MIGA1: variants seen among roughly 807,000 people sequenced by gnomAD.
MIGA1 encodes family with sequence similarity 73, member A.
MIGA1 carries 58 observed loss-of-function variants against 82.0 expected under a neutral mutation model. That is an observed-to-expected ratio of 0.71 (90% confidence interval 0.57 to 0.88). The LOEUF (loss-of-function observed/expected upper bound fraction) is 0.88. Ranked by LOEUF, MIGA1 falls within the 40% of genes least tolerant of loss-of-function variation. The probability of loss-of-function intolerance (pLI) is 0.00; values close to 1 mark genes in which losing one functional copy is unlikely to be tolerated. For missense variants in MIGA1, 751 were observed against 749.1 expected (o/e 1.00, Z -0.03); for synonymous variants, 249 against 253.6 (o/e 0.98, Z 0.17).
In MIGA1 at chr1:77,877,157, G is replaced by A. The variant is rs535483578; in HGVS notation, c.*2093G>A. On this transcript the variant is annotated 3_prime_UTR_variant, in exon 16 of 16. Coordinates refer to ENST00000370791, the MANE Select transcript of MIGA1 (RefSeq NM_198549.4). ...TACTCCTAAAATGCATTTTTAAAAA[G>A]CGAATTTTTAGATTAAAGTGCCTAG... The A allele has an allele frequency of 6.6e-6, 1 of 152,150 alleles. No individual in the cohort carries two copies. The highest frequency in any genetic ancestry group is 2.1e-4 in the South Asian group (1 of 4,812). The allele number at this position is 152,150 out of a possible 1,614,324, so 9.4% of individuals were successfully genotyped here. A position where few individuals can be genotyped will look rare whatever the true frequency, so the allele number is the denominator to read the frequency against.
intron 7 of MIGA1, among the ~76,000 whole-genome samples, chr1:77,825,497 G>A (rs889277071): frequency 2.6e-5 from 4 of 152,290 alleles, no homozygotes; most frequent in Admixed American, 6.5e-5. Flanking sequence ...TGTGACTCAG[G>A]TGCCATTCTG....
intron 15 of MIGA1, among the ~76,000 whole-genome samples, chr1:77,874,033 A>C (rs1462154006): frequency 6.6e-6 from 1 of 152,182 alleles, no homozygotes; most frequent in Non-Finnish European, 1.5e-5. Context: ...GTTGATCGCT[A>C]ATGACCCTTT....
chr1:77,793,416 T>C lies in MIGA1; in HGVS notation c.196-7915T>C, dbSNP rs569663737. Among the ~76,000 whole-genome samples the C allele has an allele frequency of 1.9e-4, 29 of 152,214 alleles. No individual in the cohort carries two copies. In the South Asian group the frequency reaches 5.6e-3, roughly 29 times the overall value. The stretch of plus-strand genomic sequence containing the variant: ...TGGTGCCCAGCCTATTTGCTTTTTT[T>C]ACTGTTGAATCCTGAGAGGTTTTTT... On this transcript the variant is annotated intron_variant, in intron 2 of 15. Coordinates refer to ENST00000370791, the MANE Select transcript of MIGA1 (RefSeq NM_198549.4).
chr1:77,866,422 T>C, intron 14 of MIGA1, 31 bp downstream of exon 14: 2 of 1,599,692 alleles, frequency 1.3e-6, no homozygotes, highest in Non-Finnish European at 1.7e-6. Context: ...AATTCCTTTG[T>C]TAAATCATTT....
chr1:77,851,280 G>A (rs1310806289), intron 8 of MIGA1, among the ~76,000 whole-genome samples: 1 of 152,078 alleles, frequency 6.6e-6, no homozygotes, highest in African/African-American at 2.4e-5. Flanking sequence ...TTTTCTTTTT[G>A]AAAATATTAA....
chr1:77,837,601 G>A (rs563842743), intron 7 of MIGA1, among the ~76,000 whole-genome samples: 54 of 152,282 alleles, frequency 3.5e-4, no homozygotes, highest in African/African-American at 1.2e-3. Context: ...TTGGTATCTG[G>A]CAAGTACTGA....
At chr1:77,786,313 G>A (rs1311780486) in intron 2 of MIGA1, among the ~76,000 whole-genome samples, 1 of 152,210 alleles carries the variant, frequency 6.6e-6, no homozygotes, top group Admixed American at 6.5e-5. Context: ...AGGGGCTGCC[G>A]TGAAGACCTC....
chr1:77,834,837 A>G (rs1684369681), intron 7 of MIGA1, among the ~76,000 whole-genome samples: 1 of 152,240 alleles, frequency 6.6e-6, no homozygotes, highest in African/African-American at 2.4e-5. Flanking sequence ...ATAAAAGCAT[A>G]GAAAGGACAA....
intron 2 of MIGA1, among the ~76,000 whole-genome samples, chr1:77,786,958 A>G (rs1296152067): frequency 6.6e-6 from 1 of 152,206 alleles, no homozygotes; most frequent in East Asian, 1.9e-4. Flanking sequence ...ATAAAGACAT[A>G]CCTGAGACTG....
intron 7 of MIGA1, among the ~76,000 whole-genome samples, chr1:77,824,317 T>G (rs1359619525): frequency 6.6e-6 from 1 of 152,124 alleles, no homozygotes; most frequent in African/African-American, 2.4e-5. Context: ...ATCCCAGCAC[T>G]TGGGAGGCTG....
At chr1:77,858,829 A>G in intron 8 of MIGA1, 109 bp from the exon 9 acceptor site, 1 of 653,252 alleles carries the variant, frequency 1.5e-6, no homozygotes, top group Non-Finnish European at 2.7e-6. Flanking sequence ...CATGTTACCC[A>G]GGCTGGTTTC....
At chr1:77,844,109 AAAAAAT>A (rs1256583204) in intron 8 of MIGA1, among the ~76,000 whole-genome samples, 1 of 51,962 alleles carries the variant, frequency 1.9e-5, no homozygotes, top group East Asian at 5.9e-4. Context: ...TTAAAAAAAA[AAAAAAT>A]ATATATATAT....
intron 13 of MIGA1, among the ~76,000 whole-genome samples, chr1:77,866,108 G>C (rs763353612): frequency 6.6e-6 from 1 of 152,124 alleles, no homozygotes; most frequent in South Asian, 2.1e-4. Flanking sequence ...GTAGAGATGG[G>C]GTTTCACCGT....
At chr1:77,806,473 A>G (rs746436390) in intron 4 of MIGA1, among the ~76,000 whole-genome samples, 30 of 152,260 alleles carry the variant, frequency 2.0e-4, no homozygotes, top group Non-Finnish European at 4.1e-4. Context: ...GAATTAGGAC[A>G]GAACTGGAGT....
intron 2 of MIGA1, among the ~76,000 whole-genome samples, chr1:77,800,423 A>G (rs76603148): frequency 2.0e-5 from 3 of 152,128 alleles, no homozygotes; most frequent in East Asian, 3.8e-4. Flanking sequence ...TTAGGGGGCA[A>G]TTGGTTGCCC....
Position 77,807,034 on chromosome 1 carries a change from A to G in MIGA1, c.570A>G (p.Lys190=), listed in dbSNP as rs1378748167. The change falls in exon 5 of 16, where the codon AAA becomes AAG. Residue 190 remains lysine (K), a synonymous_variant. Coordinates refer to ENST00000370791, the MANE Select transcript of MIGA1 (RefSeq NM_198549.4). ...GTGGCAATTCTAATTCCTGGGACAA[A>G]GCAGATGAAGATGATATTAAACTTG... 9 of 1,608,950 alleles carry G rather than the reference A, an allele frequency of 5.6e-6. No homozygotes were observed. Among genetic ancestry groups the G allele is most frequent in the Non-Finnish European group, 7.7e-6 (9 of 1,175,466 alleles).
At chr1:77,788,516 A>G (rs1682273100) in intron 2 of MIGA1, among the ~76,000 whole-genome samples, 1 of 152,068 alleles carries the variant, frequency 6.6e-6, no homozygotes, top group African/African-American at 2.4e-5. Context: ...TCTTGTTTGT[A>G]TCTTTTTTTT....
At chr1:77,785,340 C>A (rs1682111502) in intron 2 of MIGA1, among the ~76,000 whole-genome samples, 1 of 151,384 alleles carries the variant, frequency 6.6e-6, no homozygotes, top group Non-Finnish European at 1.5e-5. Flanking sequence ...GCAGGGCAGT[C>A]AAAAATTTTT....
Position 77,869,670 on chromosome 1 carries a change from C to T in MIGA1, c.1563+3279C>T, listed in dbSNP as rs1279832909. Among the ~76,000 whole-genome samples, 1,187 of 130,634 alleles carry T rather than the reference C, an allele frequency of 9.1e-3. 26 individuals are homozygous for T. Among genetic ancestry groups the T allele is most frequent in the African/African-American group, 0.034 (1,121 of 33,414 alleles). 85.7% of individuals were successfully genotyped at this position (130,634 alleles called of 152,430 possible). ...CCGGGCAGAGGCGCCCCTCACCTCC[C>T]GGACGGGGCGGCCGGCTGGGCGGGG... On this transcript the variant is annotated intron_variant, in intron 14 of 15. Transcript: ENST00000370791.
Sources: gnomAD v4.1 joint callset for allele counts (sites outside exome capture counted in the v4.1 genomes callset) on GRCh38, gnomAD v4.1.1 for gene constraint, MANE v1.5 for transcripts, NCBI Gene and HGNC (gene_info 2026-07-23, HGNC 2026-07-21) for gene names.